The following SCARB2 variants were observed in gnomAD, a reference collection of about 807,000 sequenced individuals.
The protein encoded by SCARB2 is lysosome membrane protein 2.
In SCARB2, 29 loss-of-function variants were observed where a neutral mutation model predicts 58.6. That is an observed-to-expected ratio of 0.49 (90% CI 0.37 to 0.67). The LOEUF is 0.67. Ranked by LOEUF, SCARB2 falls within the 30% of genes least tolerant of loss-of-function variation. SCARB2 has a pLI of 0.00. For missense variants in SCARB2, 488 were observed against 578.5 expected (o/e 0.84, Z 1.60); for synonymous variants, 195 against 210.1 (o/e 0.93, Z 0.62).
Position 76,176,798 on chromosome 4 carries a change from G to A in SCARB2, c.613-270C>T, listed in dbSNP as rs61598131. Reference sequence around the variant, plus strand: ...GAATTCTCCTCAAGACTGCAACATCGAAATTCTGCCTGGATTTCCAGGTTG... The same window carrying A: ...GAATTCTCCTCAAGACTGCAACATCAAAATTCTGCCTGGATTTCCAGGTTG... On this transcript the variant is annotated intron_variant, in intron 4 of 11. Coordinates refer to ENST00000264896, the MANE Select transcript of SCARB2 (RefSeq NM_005506.4). 62,383 of 323,150 alleles carry A rather than the reference G, an allele frequency of 0.19. 7,504 individuals carry two copies. Among genetic ancestry groups the A allele is most frequent in the African/African-American group, 0.39 (17,907 of 45,922 alleles). The allele number at this position is 323,150 out of a possible 1,614,324, so 20.0% of individuals were successfully genotyped here.
upstream of SCARB2, chr4:76,217,627 G>A (rs576816603): frequency 1.2e-5 from 8 of 647,586 alleles, no homozygotes; most frequent in African/African-American, 1.3e-4. Context: ...TCTGTGCCGT[G>A]CGTCTTGTCC....
At chr4:76,172,043 C>T (rs1385859391) in intron 7 of SCARB2, among the ~76,000 whole-genome samples, 1 of 148,242 alleles carries the variant, frequency 6.7e-6, no homozygotes, top group East Asian at 2.0e-4. Flanking sequence ...TAAAATATAG[C>T]AAATATAAGT....
intron 2 of SCARB2, among the ~76,000 whole-genome samples, chr4:76,187,941 C>T (rs996855555): frequency 2.6e-5 from 4 of 152,032 alleles, no homozygotes; most frequent in African/African-American, 7.2e-5. Context: ...AATAAAATAA[C>T]TTAAGATCTA....
chr4:76,202,032 AG>A (rs1182298477), intron 1 of SCARB2, among the ~76,000 whole-genome samples: 1 of 152,232 alleles, frequency 6.6e-6, no homozygotes, highest in African/African-American at 2.4e-5. Context: ...TGATATAACA[AG>A]GAACAAACTA....
chr4:76,214,139 C>T (rs1394757452), upstream of SCARB2: 2 of 442,660 alleles, frequency 4.5e-6, no homozygotes, highest in East Asian at 1.4e-4. Context: ...GAGGGCCTCC[C>T]ATGGGCCACG....
At chr4:76,227,924 T>C (rs1409761616) in intron 1 of SCARB2, among the ~76,000 whole-genome samples, 1 of 152,236 alleles carries the variant, frequency 6.6e-6, no homozygotes, top group Non-Finnish European at 1.5e-5. Flanking sequence ...TGATTTCTTA[T>C]GCATTAGGTG....
intron 2 of SCARB2, among the ~76,000 whole-genome samples, chr4:76,185,607 TAAG>T (rs1220165127): frequency 1.3e-5 from 2 of 152,142 alleles, no homozygotes; most frequent in Non-Finnish European, 2.9e-5. Context: ...TAGACTGAGA[TAAG>T]GAGTGGAAAT....
intron 6 of SCARB2, 59 bp downstream of exon 6, chr4:76,175,732 G>A: frequency 6.3e-7 from 1 of 1,590,536 alleles, no homozygotes; most frequent in East Asian, 2.2e-5. Flanking sequence ...TCATGCTTTT[G>A]GTGGTCTTGC....
upstream of SCARB2, chr4:76,217,444 TTA>T (rs1733227566): frequency 2.5e-6 from 1 of 402,788 alleles, no homozygotes; most frequent in Admixed American, 4.3e-5. Flanking sequence ...CATGAATAGA[TTA>T]ATGCCTCCCT....
chr4:76,176,576 T>A, intron 4 of SCARB2, 48 bp from the exon 5 acceptor site: 1 of 1,345,266 alleles, frequency 7.4e-7, no homozygotes, highest in Non-Finnish European at 1.1e-6. Context: ...GATAATTTTA[T>A]GACAACTTGG....
rs1355193975 is a variant in SCARB2, at chr4:76,159,066, T to C, written c.*2647A>G. On this transcript the variant is annotated 3_prime_UTR_variant, in exon 12 of 12. Transcript: ENST00000264896. ...TAGAACATGAGGAAATCAAGTCTGG[T>C]TAGAAAAGCCTGGAGCTAAAAGTGG... The C allele has an allele frequency of 1.3e-5, 2 of 152,244 alleles. No homozygotes were observed. Among genetic ancestry groups the C allele is most frequent in the Non-Finnish European group, 2.9e-5 (2 of 68,054 alleles). The allele number at this position is 152,244 out of a possible 1,614,324, so 9.4% of individuals were successfully genotyped here. A position where few individuals can be genotyped will look rare whatever the true frequency, so the allele number is the denominator to read the frequency against.
intron 1 of SCARB2, among the ~76,000 whole-genome samples, chr4:76,219,233 G>C (rs1331720860): frequency 3.3e-5 from 5 of 152,252 alleles, no homozygotes; most frequent in African/African-American, 1.2e-4. Flanking sequence ...GTTGGAATTA[G>C]TGTGTGTGGG....
intron 7 of SCARB2, chr4:76,173,235 CA>C (rs1470408848): frequency 6.6e-6 from 1 of 152,052 alleles, no homozygotes; most frequent in African/African-American, 2.4e-5. Context: ...ACATTTGTGT[CA>C]GGGTTTAAAA....
At chr4:76,169,317 T>TAA (rs371248879) in intron 8 of SCARB2, among the ~76,000 whole-genome samples, 1 of 127,398 alleles carries the variant, frequency 7.8e-6, no homozygotes, top group African/African-American at 3.5e-5. Context: ...ATGTGTATTA[T>TAA]ACACACACAC....
At position 76,163,283 on chromosome 4, in the gene SCARB2, A is replaced by C. The variant is rs372226714; in HGVS notation, c.1340T>G (p.Val447Gly). ...NIPYIIMALG[V>G]FFGLVFTWLA... ...CCAGGTAAAAACCAAACCAAAGAAC[A>C]CACCCAGCGCCATGATGATGTAGGG... The change falls in exon 11 of 12, where the codon GTG becomes GGG. Residue 447 changes from valine (V) to glycine (G), a missense_variant. By Grantham distance (109) the Val-to-Gly change is moderately radical. Coordinates refer to ENST00000264896, the MANE Select transcript of SCARB2 (RefSeq NM_005506.4). 1.9e-6 allele frequency: 3 copies of C among 1,614,076 alleles called. No homozygotes were observed. The African/African-American group carries it at 4.0e-5, about 22-fold the overall frequency.
intron 2 of SCARB2, among the ~76,000 whole-genome samples, chr4:76,181,793 TG>T (rs1732392213): frequency 6.6e-6 from 1 of 152,164 alleles, no homozygotes; most frequent in African/African-American, 2.4e-5. Flanking sequence ...CTTGAACTCC[TG>T]GACTCAAGTG....
At chr4:76,223,766 T>C (rs545739956) in intron 1 of SCARB2, among the ~76,000 whole-genome samples, 2 of 152,300 alleles carry the variant, frequency 1.3e-5, no homozygotes, top group Admixed American at 1.3e-4. Flanking sequence ...TAACCCTTCT[T>C]CAGGGGACCT....
intron 1 of SCARB2, among the ~76,000 whole-genome samples, chr4:76,197,260 C>G (rs1732732959): frequency 6.6e-6 from 1 of 152,226 alleles, no homozygotes; most frequent in African/African-American, 2.4e-5. Context: ...TCACTGACTT[C>G]AGGCTAGGCC....
At chr4:76,194,060 T>G (rs139668793) in intron 2 of SCARB2, 18 of 152,316 alleles carry the variant, frequency 1.2e-4, no homozygotes, top group African/African-American at 3.9e-4. Context: ...GAGATCTTGT[T>G]GTTGTAAAAG....
Sources: allele counts gnomAD v4.1 joint callset (sites outside exome capture counted in the v4.1 genomes callset), GRCh38; gene constraint gnomAD v4.1.1; transcripts MANE v1.5; gene names NCBI Gene and HGNC (gene_info 2026-07-23, HGNC 2026-07-21).